ADD1: variants seen among roughly 807,000 people sequenced by gnomAD.
ADD1 encodes the protein alpha-adducin.
ADD1 carries 24 observed loss-of-function variants against 80.5 expected under a neutral mutation model. The observed-to-expected ratio is 0.30, with a 90% confidence interval of 0.22 to 0.42. The LOEUF (loss-of-function observed/expected upper bound fraction) is 0.42. Ranked by LOEUF, ADD1 falls within the 10% of genes least tolerant of loss-of-function variation. ADD1 has a pLI of 1.00. For missense variants in ADD1, 948 were observed against 1,019.0 expected (o/e 0.93, Z 0.95); for synonymous variants, 373 against 393.8 (o/e 0.95, Z 0.63).
chr4:2,846,766 G>A (rs748347216), intron 1 of ADD1, among the ~76,000 whole-genome samples: 74 of 150,740 alleles, frequency 4.9e-4, no homozygotes, highest in Non-Finnish European at 8.1e-4. Context: ...AGCCTGGGAG[G>A]TCGAGGCTAC....
chr4:2,926,899 A>G lies in ADD1; in HGVS notation c.2047+787A>G, dbSNP rs1711808362. On this transcript the variant is annotated intron_variant, in intron 15 of 15. Transcript: ENST00000683351. The surrounding 1 kb of genome is among the most constrained non-coding windows in gnomAD (Gnocchi z 5.0). Reference sequence around the variant, plus strand: ...GGGTACCTCCACGCACCTAGGTGCCATGGAGCACTCTGGGCCTCAGGAGTT... The same window carrying G: ...GGGTACCTCCACGCACCTAGGTGCCGTGGAGCACTCTGGGCCTCAGGAGTT... Among the ~76,000 whole-genome samples, 1 of 152,202 alleles carries G rather than the reference A, an allele frequency of 6.6e-6. No homozygotes were observed. The highest frequency in any genetic ancestry group is 6.5e-5 in the Admixed American group (1 of 15,276).
At chr4:2,845,738 T>C (rs894634664) in intron 1 of ADD1, among the ~76,000 whole-genome samples, 1 of 152,248 alleles carries the variant, frequency 6.6e-6, no homozygotes. Context: ...GTTACTGATT[T>C]TGCCATAAAA....
In ADD1 at chr4:2,911,652, C is replaced by T. The variant is rs564192742; in HGVS notation, c.1791+2221C>T. Among the ~76,000 whole-genome samples, 5 of 151,934 alleles carry T rather than the reference C, an allele frequency of 3.3e-5. No individual in the cohort carries two copies. In the South Asian group the frequency reaches 6.2e-4, roughly 19 times the overall value. The stretch of plus-strand genomic sequence containing the variant: ...GTATTTTTTTGTAGAGACTGGGTTC[C>T]GCCACGTTGCCCAGGCTGGTCTCAA... On this transcript the variant is annotated intron_variant, in intron 13 of 15. Transcript: ENST00000683351.
intron 1 of ADD1, among the ~76,000 whole-genome samples, chr4:2,854,558 G>A (rs1227251608): frequency 1.3e-5 from 2 of 152,158 alleles, no homozygotes; most frequent in South Asian, 2.1e-4. Flanking sequence ...TATGTTGACA[G>A]TATTTTATTA....
At chr4:2,922,801 T>C (rs1457456297) in intron 14 of ADD1, among the ~76,000 whole-genome samples, 4 of 152,228 alleles carry the variant, frequency 2.6e-5, no homozygotes, top group Admixed American at 2.6e-4. Flanking sequence ...AGCCCCTGAC[T>C]GGGGCTGCTG....
At chr4:2,856,269 A>G (rs529970900) in intron 1 of ADD1, among the ~76,000 whole-genome samples, 24 of 152,126 alleles carry the variant, frequency 1.6e-4, no homozygotes, top group African/African-American at 5.1e-4. Context: ...AGCATTTTGG[A>G]GTTATCCTAC....
intron 15 of ADD1, among the ~76,000 whole-genome samples, chr4:2,927,202 C>T (rs1711890397): frequency 6.6e-6 from 1 of 152,230 alleles, no homozygotes; most frequent in Admixed American, 6.5e-5. Context: ...ATCAGCCACA[C>T]CATGCCCAGC....
At chr4:2,898,900 C>G (rs1165924641) in intron 8 of ADD1, 2 of 381,036 alleles carry the variant, frequency 5.2e-6, no homozygotes, top group Non-Finnish European at 9.6e-6. Flanking sequence ...GACTCAGAGA[C>G]TTGCCTGCAG....
At chr4:2,854,738 C>T (rs746497246) in intron 1 of ADD1, 7 of 151,966 alleles carry the variant, frequency 4.6e-5, no homozygotes, top group Non-Finnish European at 1.0e-4. Context: ...TATTTTTGTC[C>T]ATTTATTTTC....
At chr4:2,919,841 A>C (rs956089143) in intron 14 of ADD1, among the ~76,000 whole-genome samples, 5 of 151,220 alleles carry the variant, frequency 3.3e-5, no homozygotes, top group Admixed American at 1.3e-4. Flanking sequence ...TCTCTCCTTC[A>C]GTTCTGCACT....
At chr4:2,859,951 C>A (rs1728611542) in intron 1 of ADD1, among the ~76,000 whole-genome samples, 1 of 146,916 alleles carries the variant, frequency 6.8e-6, no homozygotes, top group Non-Finnish European at 1.5e-5. Context: ...GAGAAACATT[C>A]TCAGGTTAGT....
chr4:2,911,316 A>C (rs1737979779), intron 13 of ADD1, among the ~76,000 whole-genome samples: 1 of 152,070 alleles, frequency 6.6e-6, no homozygotes, highest in African/African-American at 2.4e-5. Context: ...CCACAGTGCA[A>C]GTGTTGCCTT....
chr4:2,868,764 T>C lies in ADD1; in HGVS notation c.-20-7132T>C, dbSNP rs192707301. Among the ~76,000 whole-genome samples, 101 of 152,232 alleles carry C rather than the reference T, an allele frequency of 6.6e-4. 1 individual carries two copies. The East Asian group carries it at 0.017, about 25-fold the overall frequency. ...AATTTATCCGCATATGATTTGGTCC[T>C]GTTTGAAAGTGGCCATGGGAGAGGT... On this transcript the variant is annotated intron_variant, in intron 1 of 15. Transcript: ENST00000683351.
At position 2,926,182 on chromosome 4, in the gene ADD1, G is replaced by A; in HGVS notation, c.2047+70G>A. The A allele has an allele frequency of 7.2e-7, 1 of 1,383,626 alleles. No homozygotes were observed. The highest frequency in any genetic ancestry group is 1.0e-6 in the Non-Finnish European group (1 of 974,366). The allele number at this position is 1,383,626 out of a possible 1,614,324, so 85.7% of individuals were successfully genotyped here. A position where few individuals can be genotyped will look rare whatever the true frequency, so the allele number is the denominator to read the frequency against. ...GCTCGTGCGCGCTGTGGCGGAATGT[G>A]GCGGGAGTCGTGTTAACAGCAACAC... On this transcript the variant is annotated intron_variant, in intron 15 of 15. Coordinates refer to ENST00000683351, the MANE Select transcript of ADD1 (RefSeq NM_001354761.2). This position sits in a 1 kb window ranked among gnomAD's most constrained non-coding sequence, Gnocchi z 5.0.
intron 6 of ADD1, among the ~76,000 whole-genome samples, chr4:2,897,714 G>A (rs1735494385): frequency 6.6e-6 from 1 of 151,598 alleles, no homozygotes; most frequent in Non-Finnish European, 1.5e-5. Flanking sequence ...TAGAGGCGGG[G>A]GTCTCACTTT....
At chr4:2,913,816 T>C (rs1390755750) in intron 13 of ADD1, among the ~76,000 whole-genome samples, 1 of 151,992 alleles carries the variant, frequency 6.6e-6, no homozygotes, top group African/African-American at 2.4e-5. Flanking sequence ...ATCCAAAGAA[T>C]TGTGGTTTCT....
In ADD1 at chr4:2,928,834, G is replaced by A. The variant is rs558595909; in HGVS notation, c.*311G>A. 1.2e-4 allele frequency: 40 copies of A among 330,870 alleles called. No homozygotes were observed. Among genetic ancestry groups the A allele is most frequent in the African/African-American group, 5.0e-4 (23 of 45,726 alleles). The allele number at this position is 330,870 out of a possible 1,614,324, so 20.5% of individuals were successfully genotyped here. A position where few individuals can be genotyped will look rare whatever the true frequency, so the allele number is the denominator to read the frequency against. On this transcript the variant is annotated 3_prime_UTR_variant, in exon 16 of 16. Transcript: ENST00000683351. ...AAGGCTTCTGCAGCTTTGGCTGCAC[G>A]TCACCCTCCTGAGCCTCACCTTTCC... is the stretch of plus-strand genomic sequence containing the variant.
At chr4:2,914,487 G>A (rs918672030) in intron 13 of ADD1, among the ~76,000 whole-genome samples, 3 of 152,202 alleles carry the variant, frequency 2.0e-5, no homozygotes, top group East Asian at 1.9e-4. Flanking sequence ...GCTGTACCTC[G>A]TGACAGTTTC....
rs556313785 is a variant in ADD1 at position 2,909,390 on chromosome 4, G to C, written c.1750G>C (p.Glu584Gln). The C allele has an allele frequency of 6.4e-7, 1 of 1,550,418 alleles. No individual in the cohort carries two copies. Among genetic ancestry groups the C allele is most frequent in the African/African-American group, 1.4e-5 (1 of 73,024 alleles). The change falls in exon 13 of 16, where the codon GAG (glutamate) becomes CAG (glutamine). Residue 584 changes from glutamate to glutamine, a missense_variant. Physicochemically the swap from Glu to Gln is conservative, Grantham distance 29. Coordinates refer to ENST00000683351, the MANE Select transcript of ADD1 (RefSeq NM_001354761.2). ...TETIEGLELT[E>Q]QTFSPAKSLS... ...AACTATCGAAGGGCTCGAGCTTACA[G>C]AGCAGACCTTTAGTCCCGCTAAATC...
Sources: gnomAD v4.1 joint callset for allele counts (sites outside exome capture counted in the v4.1 genomes callset) on GRCh38, gnomAD v4.1.1 for gene constraint, Gnocchi (gnomAD v3.1) non-coding constraint, MANE v1.5 for transcripts, NCBI Gene and HGNC (gene_info 2026-07-23, HGNC 2026-07-21) for gene names.